The following ZNF521 variants were observed in gnomAD, a reference collection of about 807,000 sequenced individuals.
ZNF521 encodes the protein zinc finger protein 521.
A neutral mutation model predicts 105.5 loss-of-function variants in ZNF521; 14 were observed. The observed-to-expected ratio is 0.13, with a 90% CI of 0.09 to 0.21. The LOEUF is 0.21. ZNF521 is among the 10% of genes least tolerant of loss of function. The pLI is 1.00. For missense variants in ZNF521, 1,233 were observed against 1,629.7 expected (o/e 0.76, Z 4.19); for synonymous variants, 635 against 606.0 (o/e 1.05, Z -0.70).
intron 3 of ZNF521, among the ~76,000 whole-genome samples, chr18:25,266,255 TG>T (rs1205256873): frequency 1.3e-5 from 2 of 152,338 alleles, no homozygotes; most frequent in African/African-American, 4.8e-5. Flanking sequence ...TTCTTCATGA[TG>T]TGCTTATTTC....
chr18:25,319,830 C>T (rs8086154), intron 3 of ZNF521, among the ~76,000 whole-genome samples: 22,938 of 152,084 alleles, frequency 0.15, 1,776 homozygotes, highest in Admixed American at 0.16. Context: ...GAGAAGGGTG[C>T]AATATCACTT....
Position 25,235,393 on chromosome 18 carries a change from G to A in ZNF521, c.221-7696C>T, listed in dbSNP as rs529739423. Among the ~76,000 whole-genome samples, 230 of 152,322 alleles carry A rather than the reference G, an allele frequency of 1.5e-3. 1 individual carries two copies. Among genetic ancestry groups the A allele is most frequent in the African/African-American group, 5.3e-3 (222 of 41,568 alleles). The stretch of plus-strand genomic sequence containing the variant: ...CTTCACTGGGGAAGCAGAAGGTAAA[G>A]GGGATTCTTCCACTGAGAAAACTAA... On this transcript the variant is annotated intron_variant, in intron 3 of 7. Coordinates refer to ENST00000361524, the MANE Select transcript of ZNF521 (RefSeq NM_015461.3).
At chr18:25,240,706 C>A (rs1350047950) in intron 3 of ZNF521, among the ~76,000 whole-genome samples, 1 of 152,052 alleles carries the variant, frequency 6.6e-6, no homozygotes, top group African/African-American at 2.4e-5. Flanking sequence ...TTTAAAATTA[C>A]ATACTGGATC....
intron 5 of ZNF521, among the ~76,000 whole-genome samples, chr18:25,180,488 T>C (rs2035613284): frequency 6.6e-6 from 1 of 150,414 alleles, no homozygotes; most frequent in African/African-American, 2.5e-5. Flanking sequence ...TTGCTCCTTC[T>C]AAAGTATATG....
chr18:25,139,735 T>C (rs2034811151), intron 5 of ZNF521, among the ~76,000 whole-genome samples: 2 of 152,170 alleles, frequency 1.3e-5, no homozygotes, highest in African/African-American at 4.8e-5. Flanking sequence ...CTGTGTTAAG[T>C]AATACAGCAC....
At chr18:25,294,993 G>A (rs1911246957) in intron 3 of ZNF521, among the ~76,000 whole-genome samples, 1 of 145,834 alleles carries the variant, frequency 6.9e-6, no homozygotes, top group Admixed American at 7.0e-5. Flanking sequence ...TAAAAATACA[G>A]AAAAGCAACA....
At chr18:25,335,829 C>G (rs545784710) in intron 2 of ZNF521, among the ~76,000 whole-genome samples, 1 of 152,244 alleles carries the variant, frequency 6.6e-6, no homozygotes, top group African/African-American at 2.4e-5. Context: ...TATCACCGGA[C>G]AAGTGAATGC....
intron 5 of ZNF521, among the ~76,000 whole-genome samples, chr18:25,162,860 G>A (rs1305281091): frequency 1.3e-5 from 2 of 152,014 alleles, no homozygotes; most frequent in African/African-American, 4.8e-5. Context: ...GAGGCATTAG[G>A]TTAGATTTTT....
intron 3 of ZNF521, among the ~76,000 whole-genome samples, chr18:25,256,814 A>C (rs1198494146): frequency 6.6e-6 from 1 of 151,972 alleles, no homozygotes; most frequent in Admixed American, 6.6e-5. Flanking sequence ...GAAAAAAAAA[A>C]CATTAAAACT....
At chr18:25,130,607 CT>C (rs752872410) in intron 5 of ZNF521, among the ~76,000 whole-genome samples, 1 of 152,082 alleles carries the variant, frequency 6.6e-6, no homozygotes, top group Non-Finnish European at 1.5e-5. Context: ...CTGTTAAACT[CT>C]TTTGTAAAAC....
chr18:25,098,985 T>G (rs2033910024), intron 5 of ZNF521, among the ~76,000 whole-genome samples: 2 of 152,198 alleles, frequency 1.3e-5, no homozygotes, highest in African/African-American at 4.8e-5. Flanking sequence ...TTTCAGTTTT[T>G]GCCTTGCCTA....
At chr18:25,168,278 T>G (rs1006734645) in intron 5 of ZNF521, among the ~76,000 whole-genome samples, 1 of 152,160 alleles carries the variant, frequency 6.6e-6, no homozygotes, top group Non-Finnish European at 1.5e-5. Flanking sequence ...CCCCAGCTGG[T>G]ACTTGGAAGA....
chr18:25,276,727 G>A (rs900633923), intron 3 of ZNF521, among the ~76,000 whole-genome samples: 61 of 152,106 alleles, frequency 4.0e-4, no homozygotes, highest in Non-Finnish European at 1.5e-4. Context: ...GTTCATATGC[G>A]CACGTCACTT....
chr18:25,286,379 G>A (rs1218565067), intron 3 of ZNF521, among the ~76,000 whole-genome samples: 1 of 152,154 alleles, frequency 6.6e-6, no homozygotes, highest in African/African-American at 2.4e-5. Context: ...TACATTCTCT[G>A]CAAAGAGCTG....
At chr18:25,323,972 T>C (rs1173795418) in intron 2 of ZNF521, among the ~76,000 whole-genome samples, 1 of 152,126 alleles carries the variant, frequency 6.6e-6, no homozygotes, top group East Asian at 1.9e-4. Context: ...TAGTTTTGTT[T>C]GTTGGGTTTT....
intron 5 of ZNF521, among the ~76,000 whole-genome samples, chr18:25,165,341 C>T (rs2035320127): frequency 6.6e-6 from 1 of 152,126 alleles, no homozygotes; most frequent in Non-Finnish European, 1.5e-5. Flanking sequence ...TCCCTCTGTG[C>T]TCTCAATTAT....
intron 5 of ZNF521, among the ~76,000 whole-genome samples, chr18:25,107,336 A>G (rs761499657): frequency 6.6e-6 from 1 of 152,214 alleles, no homozygotes; most frequent in Non-Finnish European, 1.5e-5. Flanking sequence ...ATATCTTTTA[A>G]CACTCAGCAT....
Position 25,173,683 on chromosome 18 carries a change from A to C in ZNF521, c.3658+21477T>G, listed in dbSNP as rs147199164. Among the ~76,000 whole-genome samples, 484 of 152,340 alleles carry C rather than the reference A, an allele frequency of 3.2e-3. 2 individuals are homozygous for C. The highest frequency in any genetic ancestry group is 0.011 in the African/African-American group (455 of 41,586). On this transcript the variant is annotated intron_variant, in intron 5 of 7. Coordinates refer to ENST00000361524, the MANE Select transcript of ZNF521 (RefSeq NM_015461.3). ...AATTGGCTGCAGGTGGAAACAAGAG[A>C]TAAAGCAGAATGGGAAAAATATAAA...
chr18:25,195,116 C>T, intron 5 of ZNF521, 44 bp downstream of exon 5: 1 of 1,398,394 alleles, frequency 7.2e-7, no homozygotes, highest in Non-Finnish European at 1.0e-6. Flanking sequence ...TATACACAAG[C>T]AGAAGAAACA....
Sources: gnomAD v4.1 joint callset for allele counts (sites outside exome capture counted in the v4.1 genomes callset) on GRCh38, gnomAD v4.1.1 for gene constraint, MANE v1.5 for transcripts, NCBI Gene and HGNC (gene_info 2026-07-23, HGNC 2026-07-21) for gene names.